ATF3: variants seen among roughly 807,000 people sequenced by gnomAD.
The protein encoded by ATF3 is cyclic AMP-dependent transcription factor ATF-3.
ATF3 carries 10 observed loss-of-function variants against 18.4 expected under a neutral mutation model. That is an observed-to-expected ratio of 0.54 (90% confidence interval 0.34 to 0.92). The LOEUF is 0.92. ATF3 is among the 40% of genes least tolerant of loss of function. The probability of loss-of-function intolerance (pLI) is 0.02; values close to 1 mark genes in which losing one functional copy is unlikely to be tolerated. For synonymous variants in ATF3, 78 were observed against 87.9 expected (o/e 0.89, Z 0.63); for missense variants, 183 against 222.3 (o/e 0.82, Z 1.12).
In ATF3 at chr1:212,618,424, C is replaced by A; in HGVS notation, c.348+190C>A. Reference sequence around the variant, plus strand: ...AAAGCAGTTAACACAATGGATGTGACGGTGGATGTATAAAAACAGGTGTGT... The same window carrying A: ...AAAGCAGTTAACACAATGGATGTGAAGGTGGATGTATAAAAACAGGTGTGT... On this transcript the variant is annotated intron_variant, in intron 3 of 3. Transcript: ENST00000341491. This position sits in a 1 kb window ranked among gnomAD's most constrained non-coding sequence, Gnocchi z 4.4. 1.5e-6 allele frequency: 1 copy of A among 657,354 alleles called. No homozygotes were observed. The highest frequency in any genetic ancestry group is 1.6e-5 in the South Asian group (1 of 61,126). The allele number at this position is 657,354 out of a possible 1,614,324, so 40.7% of individuals were successfully genotyped here. A position where few individuals can be genotyped will look rare whatever the true frequency, so the allele number is the denominator to read the frequency against.
At position 212,619,180 on chromosome 1, in the gene ATF3, A is replaced by G; in HGVS notation, c.349-178A>G. ...TGGCATCACCAGGGTTTCTCTGAAG[A>G]AGAGGGTCTGCATTTTCCTAAACCC... On this transcript the variant is annotated intron_variant, in intron 3 of 3. Coordinates refer to ENST00000341491, the MANE Select transcript of ATF3 (RefSeq NM_001674.4). The surrounding 1 kb of genome is among the most constrained non-coding windows in gnomAD (Gnocchi z 4.4). 1 of 1,612,886 alleles carries G rather than the reference A, an allele frequency of 6.2e-7. No homozygotes were observed. Among genetic ancestry groups the G allele is most frequent in the Non-Finnish European group, 8.5e-7 (1 of 1,179,858 alleles).
chr1:212,587,748 T>G (rs1664806317), intron 1 of ATF3, among the ~76,000 whole-genome samples: 1 of 152,220 alleles, frequency 6.6e-6, no homozygotes, highest in Non-Finnish European at 1.5e-5. Context: ...TGTGTGTATC[T>G]CCTGCCTTTC....
chr1:212,617,578 G>C (rs1050261806), intron 2 of ATF3, among the ~76,000 whole-genome samples: 1 of 152,302 alleles, frequency 6.6e-6, no homozygotes, highest in East Asian at 1.9e-4. Flanking sequence ...AATGGGCTTA[G>C]GTGCCTTTTC....
Position 212,615,859 on chromosome 1 carries a change from G to A in ATF3, c.240+598G>A, listed in dbSNP as rs1381181089. ...GGCTGGGGTGCAGTGGGGTGATCAC[G>A]GCTCATTGTAGCCTCAGTCTCCTGG... On this transcript the variant is annotated intron_variant, in intron 2 of 3. Transcript: ENST00000341491. 5.4e-5 allele frequency among the ~76,000 whole-genome samples: 8 copies of A among 148,868 alleles called. No individual in the cohort carries two copies. The East Asian group carries it at 1.0e-3, about 20-fold the overall frequency.
intron 1 of ATF3, among the ~76,000 whole-genome samples, chr1:212,576,125 T>G (rs990834549): frequency 3.3e-5 from 5 of 152,172 alleles, no homozygotes; most frequent in African/African-American, 1.2e-4. Flanking sequence ...GATTAATAAT[T>G]TAATTTCTTT....
chr1:212,577,378 A>G (rs1219394451), intron 1 of ATF3, among the ~76,000 whole-genome samples: 1 of 152,246 alleles, frequency 6.6e-6, no homozygotes, highest in Non-Finnish European at 1.5e-5. Flanking sequence ...ATTAACGTGT[A>G]CATTACCTCA....
Position 212,620,452 on chromosome 1 carries a change from G to C in ATF3, c.*897G>C, listed in dbSNP as rs1208034283. The C allele has an allele frequency of 1.3e-5, 2 of 152,624 alleles. No homozygotes were observed. Among genetic ancestry groups the C allele is most frequent in the African/African-American group, 4.8e-5 (2 of 41,440 alleles). The allele number at this position is 152,624 out of a possible 1,614,324, so 9.5% of individuals were successfully genotyped here. A position where few individuals can be genotyped will look rare whatever the true frequency, so the allele number is the denominator to read the frequency against. ...TTGTGGTTGAAAACCACAGTCAGTG[G>C]AGAGATGTTTGGAAACCACAGTCAG... On this transcript the variant is annotated 3_prime_UTR_variant, in exon 4 of 4. Transcript: ENST00000341491.
intron 1 of ATF3, among the ~76,000 whole-genome samples, chr1:212,582,820 T>C (rs1664708525): frequency 6.6e-6 from 1 of 151,960 alleles, no homozygotes; most frequent in African/African-American, 2.4e-5. Flanking sequence ...TTGATAGAAA[T>C]ACATTTGCTT....
At chr1:212,589,179 C>T (rs984385312) in intron 1 of ATF3, among the ~76,000 whole-genome samples, 1 of 152,128 alleles carries the variant, frequency 6.6e-6, no homozygotes, top group East Asian at 1.9e-4. Flanking sequence ...ACAGCACTCC[C>T]GGGTTGACAC....
intron 1 of ATF3, among the ~76,000 whole-genome samples, chr1:212,583,457 AG>A (rs1263905634): frequency 1.3e-5 from 2 of 152,212 alleles, no homozygotes; most frequent in African/African-American, 4.8e-5. Context: ...CTATTAACTG[AG>A]GCTTGGGCAG....
chr1:212,568,874 C>T lies in ATF3; in HGVS notation c.-5+3391C>T, dbSNP rs141947409. 4.9e-3 allele frequency among the ~76,000 whole-genome samples: 742 copies of T among 152,176 alleles called. 6 individuals are homozygous for T. Among genetic ancestry groups the T allele is most frequent in the African/African-American group, 0.017 (711 of 41,502 alleles). On this transcript the variant is annotated intron_variant, in intron 1 of 3. Coordinates refer to the ATF3 transcript ENST00000366981. ...GTAGGTTTATTAATGTTTGTTGGAC[C>T]GGCATCCTAATTTGGGTGTGGGTGA...
chr1:212,608,676 T>G (rs964462012), upstream of ATF3: 2 of 152,332 alleles, frequency 1.3e-5, no homozygotes, highest in African/African-American at 4.8e-5. Flanking sequence ...TAGCATTACG[T>G]CAGCCTGGGA....
At chr1:212,614,590 CAAA>C (rs34303223) in intron 1 of ATF3, among the ~76,000 whole-genome samples, 3 of 124,064 alleles carry the variant, frequency 2.4e-5, no homozygotes, top group Non-Finnish European at 3.4e-5. Flanking sequence ...GAGTAATATA[CAAA>C]AAAAAAAAAA....
intron 1 of ATF3, among the ~76,000 whole-genome samples, chr1:212,580,450 C>T (rs987388450): frequency 6.6e-6 from 1 of 151,950 alleles, no homozygotes; most frequent in Non-Finnish European, 1.5e-5. Context: ...GAGTAGGTAG[C>T]ACTACAGGTG....
In ATF3 at chr1:212,618,702, C is replaced by T. The variant is rs1655238985; in HGVS notation, c.348+468C>T. 4.4e-6 allele frequency: 2 copies of T among 456,374 alleles called. No homozygotes were observed. The highest frequency in any genetic ancestry group is 8.1e-6 in the Non-Finnish European group (2 of 248,248). The allele number at this position is 456,374 out of a possible 1,614,324, so 28.3% of individuals were successfully genotyped here. On this transcript the variant is annotated intron_variant, in intron 3 of 3. Transcript: ENST00000341491. The surrounding 1 kb of genome is among the most constrained non-coding windows in gnomAD (Gnocchi z 4.4). ...TCTTGTCTGGTTCCTAACTCTAGAG[C>T]CCTTCTCCCTGGCTTAGCCAGTAAG... is the stretch of plus-strand genomic sequence containing the variant.
At chr1:212,594,167 G>A (rs369540075) in intron 1 of ATF3, among the ~76,000 whole-genome samples, 9 of 152,298 alleles carry the variant, frequency 5.9e-5, no homozygotes, top group South Asian at 2.1e-4. Context: ...TTCGGGGCTC[G>A]GTGGAGCTGA....
intron 1 of ATF3, among the ~76,000 whole-genome samples, chr1:212,576,717 T>TTTTC (rs1205329881): frequency 2.7e-5 from 2 of 73,572 alleles, no homozygotes; most frequent in African/African-American, 7.4e-5. Flanking sequence ...TTTTCTTTTC[T>TTTTC]TTTCTTTTTT....
At chr1:212,596,241 C>G (rs912178468) in intron 1 of ATF3, among the ~76,000 whole-genome samples, 1 of 152,198 alleles carries the variant, frequency 6.6e-6, no homozygotes, top group Non-Finnish European at 1.5e-5. Context: ...TTTTCTACTG[C>G]ACACTAAGGC....
In ATF3 at chr1:212,618,118, A is replaced by G. The variant is rs8192659; in HGVS notation, c.241-9A>G. ...TGCCCTTTAAATGTGTTTCTTTTGG[A>G]TTTTACAGGTAGCCCCTGAAGAAGA... is the stretch of plus-strand genomic sequence containing the variant. On this transcript the variant is annotated splice_polypyrimidine_tract_variant and intron_variant, in intron 2 of 3. Coordinates refer to ENST00000341491, the MANE Select transcript of ATF3 (RefSeq NM_001674.4). This position sits in a 1 kb window ranked among gnomAD's most constrained non-coding sequence, Gnocchi z 4.4. The G allele has an allele frequency of 0.021, 34,135 of 1,613,856 alleles. 760 individuals carry two copies. Among genetic ancestry groups the G allele is most frequent in the African/African-American group, 0.082 (6,145 of 74,964 alleles).
Sources: gnomAD v4.1 joint callset for allele counts (sites outside exome capture counted in the v4.1 genomes callset) on GRCh38, gnomAD v4.1.1 for gene constraint, Gnocchi (gnomAD v3.1) non-coding constraint, MANE v1.5 for transcripts, NCBI Gene and HGNC (gene_info 2026-07-23, HGNC 2026-07-21) for gene names.